Variants in MELTF observed in about 807,000 individuals in gnomAD.
MELTF encodes antigen p97 (melanoma associated) identified by monoclonal antibodies 133.2 and 96.5.
Under a neutral mutation model 83.7 loss-of-function variants are expected in MELTF, and 67 were observed. The observed-to-expected ratio is 0.80, with a 90% confidence interval of 0.66 to 0.98. The LOEUF (loss-of-function observed/expected upper bound fraction) is 0.98, where lower values mean the gene tolerates loss of function less well. Among genes scored for constraint, MELTF ranks in the 50% least tolerant of loss-of-function variants. The pLI, the probability that MELTF is intolerant of heterozygous loss-of-function variation, is 0.00. For synonymous variants in MELTF, 462 were observed against 447.6 expected (o/e 1.03, Z -0.41); for missense variants, 1,002 against 1,035.6 (o/e 0.97, Z 0.44).
intron 6 of MELTF, among the ~76,000 whole-genome samples, 173 bp from the exon 7 acceptor site, chr3:197,017,463 ACT>A (rs369802700): frequency 2.5e-3 from 374 of 152,038 alleles, no homozygotes; most frequent in African/African-American, 8.3e-3. Flanking sequence ...ACCTACACAG[ACT>A]CTATCTCGTT....
intron 9 of MELTF, among the ~76,000 whole-genome samples, chr3:197,013,842 A>T (rs1305982279): frequency 6.6e-6 from 1 of 152,240 alleles, no homozygotes; most frequent in Non-Finnish European, 1.5e-5. Context: ...TCAAAAAGAT[A>T]AAAAATAACA....
In MELTF at chr3:197,006,779, G is replaced by A. The variant is rs902565340; in HGVS notation, c.1751-43C>T. The A allele has an allele frequency of 2.1e-6, 3 of 1,455,426 alleles. No homozygotes were observed. The highest frequency in any genetic ancestry group is 9.1e-7 in the Non-Finnish European group (1 of 1,102,894). 90.2% of individuals were successfully genotyped at this position (1,455,426 alleles called of 1,614,324 possible). A position where few individuals can be genotyped will look rare whatever the true frequency, so the allele number is the denominator to read the frequency against. ...GTGTGTGTGGGGACGTTCCGGGAGT[G>A]GAGAGAAGTGTAAAGAGAAGCTGCT... On this transcript the variant is annotated intron_variant, in intron 13 of 15. Coordinates refer to ENST00000296350, the MANE Select transcript of MELTF (RefSeq NM_005929.6). The surrounding 1 kb of genome is among the most constrained non-coding windows in gnomAD (Gnocchi z 5.4).
chr3:197,004,367 G>T (rs1718901382), intron 14 of MELTF: 2 of 513,732 alleles, frequency 3.9e-6, no homozygotes, highest in African/African-American at 3.8e-5. Flanking sequence ...CAGGTCTGAG[G>T]CCTGAGATGT....
chr3:197,015,894 G>A (rs561907646), intron 8 of MELTF, among the ~76,000 whole-genome samples: 2 of 152,286 alleles, frequency 1.3e-5, no homozygotes, highest in African/African-American at 4.8e-5. Context: ...CTGTAGAAGA[G>A]CTGACAGGAT....
In MELTF at chr3:197,002,653, C is replaced by T. The variant is rs1196252516; in HGVS notation, c.*719G>A. The T allele has an allele frequency of 6.6e-6, 1 of 152,292 alleles. No homozygotes were observed. Among genetic ancestry groups the T allele is most frequent in the Non-Finnish European group, 1.5e-5 (1 of 68,154 alleles). 9.4% of individuals were successfully genotyped at this position (152,292 alleles called of 1,614,324 possible). On this transcript the variant is annotated 3_prime_UTR_variant, in exon 16 of 16. Coordinates refer to ENST00000296350, the MANE Select transcript of MELTF (RefSeq NM_005929.6). ...GCGTGGGTGCGGGCGGTGGGCATCC[C>T]ACGGGGGTAGGGGAGGCGAGAGCCT...
In MELTF at chr3:197,002,682, G is replaced by A. The variant is rs747609169; in HGVS notation, c.*690C>T. On this transcript the variant is annotated 3_prime_UTR_variant, in exon 16 of 16. Coordinates refer to ENST00000296350, the MANE Select transcript of MELTF (RefSeq NM_005929.6). Reference sequence around the variant, plus strand: ...GGGGTAGGGGAGGCGAGAGCCTGAGGAGACTCGGGAGGGGGCCCGTGGACG... The same window carrying A: ...GGGGTAGGGGAGGCGAGAGCCTGAGAAGACTCGGGAGGGGGCCCGTGGACG... 6.6e-6 allele frequency: 1 copy of A among 152,336 alleles called. No individual in the cohort carries two copies. The highest frequency in any genetic ancestry group is 1.5e-5 in the Non-Finnish European group (1 of 68,168). The allele number at this position is 152,336 out of a possible 1,614,324, so 9.4% of individuals were successfully genotyped here.
Position 197,003,791 on chromosome 3 carries a change from C to G in MELTF, c.2137+110G>C, listed in dbSNP as rs938209319. 8.5e-7 allele frequency: 1 copy of G among 1,176,904 alleles called. No individual in the cohort carries two copies. Among genetic ancestry groups the G allele is most frequent in the East Asian group, 2.4e-5 (1 of 40,834 alleles). 72.9% of individuals were successfully genotyped at this position (1,176,904 alleles called of 1,614,324 possible). A position where few individuals can be genotyped will look rare whatever the true frequency, so the allele number is the denominator to read the frequency against. On this transcript the variant is annotated intron_variant, in intron 15 of 15. Coordinates refer to ENST00000296350, the MANE Select transcript of MELTF (RefSeq NM_005929.6). The surrounding 1 kb of genome is among the most constrained non-coding windows in gnomAD (Gnocchi z 6.2). ...GACACCCCACCTGGACTGCTGCGAA[C>G]GGGCCTCCACCCGCCTCCCCGGACC...
At chr3:197,018,303 A>G (rs1436784867) in intron 6 of MELTF, among the ~76,000 whole-genome samples, 3 of 148,306 alleles carry the variant, frequency 2.0e-5, no homozygotes, top group East Asian at 2.0e-4. Context: ...GCCCGCCACC[A>G]CGCCCGGCTA....
At position 197,003,228 on chromosome 3, in the gene MELTF, C is replaced by G; in HGVS notation, c.*144G>C. 1 of 919,156 alleles carries G rather than the reference C, an allele frequency of 1.1e-6. No individual in the cohort carries two copies. 56.9% of individuals were successfully genotyped at this position (919,156 alleles called of 1,614,324 possible). ...TCAGGTAGCAGCGCCAGGTGGCGCC[C>G]GTGGGCGGCGGGGCTCCCGGGGAGG... On this transcript the variant is annotated 3_prime_UTR_variant, in exon 16 of 16. Transcript: ENST00000296350. The surrounding 1 kb of genome is among the most constrained non-coding windows in gnomAD (Gnocchi z 6.2).
At chr3:197,015,734 C>A (rs1719345515) in intron 8 of MELTF, among the ~76,000 whole-genome samples, 1 of 152,210 alleles carries the variant, frequency 6.6e-6, no homozygotes, top group Non-Finnish European at 1.5e-5. Flanking sequence ...GTGTGGTACC[C>A]ACTTCCCTGG....
In MELTF at chr3:197,003,460, G is replaced by A. The variant is rs1718838860; in HGVS notation, c.2138-9C>T. 1 of 1,104,458 alleles carries A rather than the reference G, an allele frequency of 9.1e-7. No individual in the cohort carries two copies. The highest frequency in any genetic ancestry group is 1.1e-6 in the Non-Finnish European group (1 of 908,406). 68.4% of individuals were successfully genotyped at this position (1,104,458 alleles called of 1,614,324 possible). A position where few individuals can be genotyped will look rare whatever the true frequency, so the allele number is the denominator to read the frequency against. On this transcript the variant is annotated splice_polypyrimidine_tract_variant and intron_variant, in intron 15 of 15. Transcript: ENST00000296350. This position sits in a 1 kb window ranked among gnomAD's most constrained non-coding sequence, Gnocchi z 6.2. Reference sequence around the variant, plus strand: ...CCCGGGCGCCGGGGCCGCTGGGGACGAACGCGGCGGGTCAGGCCCCGAAGC... The same window carrying A: ...CCCGGGCGCCGGGGCCGCTGGGGACAAACGCGGCGGGTCAGGCCCCGAAGC...
Position 197,009,776 on chromosome 3 carries a change from A to G in MELTF, c.1367T>C (p.Val456Ala). The G allele has an allele frequency of 1.2e-6, 2 of 1,613,172 alleles. No individual in the cohort carries two copies. The highest frequency in any genetic ancestry group is 1.7e-6 in the Non-Finnish European group (2 of 1,179,814). The change falls in exon 11 of 16, where the codon GTG becomes GCG. Residue 456 changes from valine (V) to alanine (A), a missense_variant. Coordinates refer to ENST00000296350, the MANE Select transcript of MELTF (RefSeq NM_005929.6). Reference protein sequence around the residue: ...DSSNSYYVVAVVRRDSSHAFT... With the variant: ...DSSNSYYVVAAVRRDSSHAFT... ...GGCGTGGGAGCTGTCCCGTCTCACC[A>G]CGGCCACCACGTAGTACGAGTTGCT...
At chr3:197,015,660 C>T in intron 8 of MELTF, 144 bp from the exon 9 acceptor site, 1 of 954,196 alleles carries the variant, frequency 1.0e-6, no homozygotes, top group Non-Finnish European at 1.5e-6. Flanking sequence ...CCCACTTCCT[C>T]ACACAGAAAA....
At chr3:197,013,874 TAAAGGAAACTCTTACACACCG>T (rs1719267016) in intron 9 of MELTF, among the ~76,000 whole-genome samples, 2 of 152,336 alleles carry the variant, frequency 1.3e-5, no homozygotes, top group African/African-American at 4.8e-5. Flanking sequence ...GGATGCAGAA[TAAAGGAAACTCTTACACACCG>T]TTGCTGGGGA....
At position 197,024,742 on chromosome 3, in the gene MELTF, T is replaced by C. The variant is rs1719784633; in HGVS notation, c.305-257A>G. Among the ~76,000 whole-genome samples the C allele has an allele frequency of 6.6e-6, 1 of 152,186 alleles. No individual in the cohort carries two copies. The highest frequency in any genetic ancestry group is 2.1e-4 in the South Asian group (1 of 4,826). On this transcript the variant is annotated intron_variant, in intron 3 of 15. Transcript: ENST00000296350. The surrounding 1 kb of genome is among the most constrained non-coding windows in gnomAD (Gnocchi z 5.3). ...TATTCATTGATTTCCCCCTCTTCCT[T>C]CCCCAGCAGCTGGTGCTTAGCTGGG...
Position 197,017,231 on chromosome 3 carries a change from G to A in MELTF, c.772C>T (p.Arg258Trp), listed in dbSNP as rs746338636. The A allele has an allele frequency of 4.8e-5, 76 of 1,592,962 alleles. No homozygotes were observed. Among genetic ancestry groups the A allele is most frequent in the Middle Eastern group, 3.3e-4 (2 of 6,048 alleles). Reference sequence around the variant, plus strand: ...GTGACATCGGCCCGGCTACCATCCCGGCACAGCAGCTCGAAGTCCTGTGAC... The same window carrying A: ...GTGACATCGGCCCGGCTACCATCCCAGCACAGCAGCTCGAAGTCCTGTGAC... ...LLSQDFELLC[R>W]DGSRADVTEW... Residue 258 changes from arginine (R) to tryptophan (W), a missense_variant, in exon 7 of 16, where the codon CGG (arginine) becomes TGG (tryptophan). Arg to Trp is a moderately radical substitution (Grantham distance 101). Coordinates refer to ENST00000296350, the MANE Select transcript of MELTF (RefSeq NM_005929.6).
rs1007155412 is a variant in MELTF, at chr3:197,002,287, A to T, written c.*1085T>A. 4 of 152,166 alleles carry T rather than the reference A, an allele frequency of 2.6e-5. No homozygotes were observed. Among genetic ancestry groups the T allele is most frequent in the Non-Finnish European group, 5.9e-5 (4 of 68,036 alleles). 9.4% of individuals were successfully genotyped at this position (152,166 alleles called of 1,614,324 possible). A position where few individuals can be genotyped will look rare whatever the true frequency, so the allele number is the denominator to read the frequency against. ...CCACGCGGCTCCCGGTCTGCTGACG[A>T]GGGCTGCCTGCTCCCATTTCTTCTC... On this transcript the variant is annotated 3_prime_UTR_variant, in exon 16 of 16. Coordinates refer to ENST00000296350, the MANE Select transcript of MELTF (RefSeq NM_005929.6).
At chr3:197,027,076 C>T (rs2148594564) in intron 2 of MELTF, 1 of 345,006 alleles carries the variant, frequency 2.9e-6, no homozygotes, top group Non-Finnish European at 5.5e-6. Flanking sequence ...TTCTGTCCCT[C>T]CACCCTGCGC....
chr3:197,008,622 G>A lies in MELTF; in HGVS notation c.1750+35C>T, dbSNP rs772496593. On this transcript the variant is annotated intron_variant, in intron 13 of 15. Coordinates refer to ENST00000296350, the MANE Select transcript of MELTF (RefSeq NM_005929.6). This position sits in a 1 kb window ranked among gnomAD's most constrained non-coding sequence, Gnocchi z 5.4. The stretch of plus-strand genomic sequence containing the variant: ...GCTGAAGATGGGGAACAGTCCCCCC[G>A]ACCTACCTTTGGCCCTGCTCTTGCC... 17 of 1,600,578 alleles carry A rather than the reference G, an allele frequency of 1.1e-5. No homozygotes were observed. The highest frequency in any genetic ancestry group is 2.2e-5 in the East Asian group (1 of 44,768).
Sources: gnomAD v4.1 joint callset for allele counts (sites outside exome capture counted in the v4.1 genomes callset) on GRCh38, gnomAD v4.1.1 for gene constraint, Gnocchi (gnomAD v3.1) non-coding constraint, MANE v1.5 for transcripts, NCBI Gene and HGNC (gene_info 2026-07-23, HGNC 2026-07-21) for gene names.